MREG: variants seen among roughly 807,000 people sequenced by gnomAD.
MREG encodes melanoregulin.
In MREG, 31 loss-of-function variants were observed where a neutral mutation model predicts 28.5. The observed-to-expected ratio is 1.09, with a 90% CI of 0.82 to 1.47. The LOEUF is 1.47. MREG is among the 40% of genes most tolerant of loss of function. The pLI is 0.00. For synonymous variants in MREG, 106 were observed against 95.2 expected, an observed-to-expected ratio of 1.11 and a Z score of -0.66; for missense variants, 256 against 257.4, an observed-to-expected ratio of 0.99 and a Z score of 0.04.
Position 215,944,928 on chromosome 2 carries a change from G to A in MREG, c.580C>T (p.Pro194Ser). 6.2e-7 allele frequency: 1 copy of A among 1,608,614 alleles called. No individual in the cohort carries two copies. Among genetic ancestry groups the A allele is most frequent in the Non-Finnish European group, 8.5e-7 (1 of 1,175,600 alleles). ...KLARRTYPKK[P>S]GVPCLADGQK... ...CCATCTGCCAGGCATGGAACCCCAGGCTTCTTGGGGTAAGTTCGACGAGCA... is the reference window on the plus strand; with the variant it reads ...CCATCTGCCAGGCATGGAACCCCAGACTTCTTGGGGTAAGTTCGACGAGCA... Residue 194 changes from proline (P) to serine (S), a missense_variant, in exon 5 of 5, where the codon CCT becomes TCT. Coordinates refer to ENST00000263268, the MANE Select transcript of MREG (RefSeq NM_018000.3).
At position 215,945,597 on chromosome 2, in the gene MREG, G is replaced by A. The variant is rs1321205294; in HGVS notation, c.484C>T (p.Leu162Phe). 1.2e-6 allele frequency: 2 copies of A among 1,613,746 alleles called. No individual in the cohort carries two copies. Among genetic ancestry groups the A allele is most frequent in the Non-Finnish European group, 8.5e-7 (1 of 1,179,832 alleles). The change falls in exon 4 of 5, where the codon CTC (leucine) becomes TTC (phenylalanine). Residue 162 changes from leucine (L) to phenylalanine (F), a missense_variant. Coordinates refer to ENST00000263268, the MANE Select transcript of MREG (RefSeq NM_018000.3). ...ACAACAAAGAGATATCTCTCTGAGA[G>A]CTCCCAACTTGTTGGGAAAATATTG... ...ETNIFPTSWE[L>F]SERYLFVVDR...
intron 2 of MREG, among the ~76,000 whole-genome samples, chr2:215,961,122 T>C (rs548191005): frequency 2.0e-5 from 3 of 152,210 alleles, no homozygotes; most frequent in African/African-American, 7.2e-5. Flanking sequence ...GGAGTAGCGG[T>C]TGGCAGGGGG....
chr2:216,017,925 C>T (rs1012695863), upstream of MREG, among the ~76,000 whole-genome samples: 6 of 150,014 alleles, frequency 4.0e-5, no homozygotes, highest in South Asian at 2.1e-4. Context: ...CCAAGGTGGG[C>T]GAATAACCTG....
chr2:216,024,218 C>T (rs1694562096), intron 1 of MREG, among the ~76,000 whole-genome samples: 1 of 152,086 alleles, frequency 6.6e-6, no homozygotes, highest in South Asian at 2.1e-4. Context: ...CTATCACTCA[C>T]ATCTTTCCTA....
intron 1 of MREG, among the ~76,000 whole-genome samples, chr2:216,005,444 C>CTTTTTTTT (rs58288878): frequency 2.9e-4 from 25 of 86,298 alleles, no homozygotes; most frequent in South Asian, 5.0e-4. Context: ...TCTAGTTATT[C>CTTTTTTTT]TTTTTTTTTT....
chr2:215,964,607 A>G (rs149009309), intron 2 of MREG, among the ~76,000 whole-genome samples: 91 of 152,350 alleles, frequency 6.0e-4, no homozygotes, highest in African/African-American at 2.1e-3. Context: ...GAAATTCTCA[A>G]ACAATGAACA....
chr2:215,973,018 TGTTGGG>T (rs2105991874), intron 2 of MREG, among the ~76,000 whole-genome samples: 1 of 151,920 alleles, frequency 6.6e-6, no homozygotes, highest in East Asian at 1.9e-4. Context: ...AAAATATGAG[TGTTGGG>T]GTCCTTTGGG....
intron 2 of MREG, among the ~76,000 whole-genome samples, chr2:215,949,071 ACTACTAC>A (rs1559173474): frequency 0.011 from 1,534 of 139,406 alleles, 12 homozygotes; most frequent in Middle Eastern, 0.022. Flanking sequence ...TACTACTACT[ACTACTAC>A]TACTACTACT....
At chr2:215,947,902 TTGAGA>T (rs914872592) in intron 2 of MREG, among the ~76,000 whole-genome samples, 4 of 152,206 alleles carry the variant, frequency 2.6e-5, no homozygotes, top group African/African-American at 7.2e-5. Flanking sequence ...GGGGTCTTTA[TTGAGA>T]TAAGTGTGCC....
chr2:215,951,624 C>T (rs1432338756), intron 2 of MREG, among the ~76,000 whole-genome samples: 2 of 152,090 alleles, frequency 1.3e-5, no homozygotes, highest in Non-Finnish European at 2.9e-5. Flanking sequence ...TCATAAGATA[C>T]CTGAGAACAA....
downstream of MREG, chr2:215,941,567 A>G (rs547269179): frequency 1.3e-5 from 2 of 152,326 alleles, no homozygotes; most frequent in East Asian, 3.9e-4. Flanking sequence ...CATCATTGCC[A>G]TACACACTTG....
chr2:215,964,333 A>G (rs1329414670), intron 2 of MREG, among the ~76,000 whole-genome samples: 1 of 151,996 alleles, frequency 6.6e-6, no homozygotes, highest in Non-Finnish European at 1.5e-5. Flanking sequence ...AAAATACAAA[A>G]ATTAGCTTGG....
chr2:215,961,562 A>G (rs1274995318), intron 2 of MREG, among the ~76,000 whole-genome samples: 1 of 152,064 alleles, frequency 6.6e-6, no homozygotes, highest in East Asian at 1.9e-4. Context: ...AGTAGCTGAG[A>G]TTACAGGTGC....
chr2:215,985,916 C>T, intron 2 of MREG, among the ~76,000 whole-genome samples: 1 of 151,358 alleles, frequency 6.6e-6, no homozygotes, highest in East Asian at 1.9e-4. Context: ...AACCAGAATA[C>T]TTTTTTTTTA....
intron 2 of MREG, among the ~76,000 whole-genome samples, chr2:215,978,493 A>G (rs1303566060): frequency 6.6e-6 from 1 of 152,222 alleles, no homozygotes; most frequent in Non-Finnish European, 1.5e-5. Flanking sequence ...AAACTATACC[A>G]ATCAACAGAA....
intron 2 of MREG, among the ~76,000 whole-genome samples, chr2:215,983,575 C>A (rs1693486159): frequency 6.6e-6 from 1 of 152,304 alleles, no homozygotes; most frequent in African/African-American, 2.4e-5. Context: ...GTACTGGGGG[C>A]AAATAAATTA....
At chr2:215,968,360 A>G (rs150065353) in intron 2 of MREG, among the ~76,000 whole-genome samples, 1 of 152,290 alleles carries the variant, frequency 6.6e-6, no homozygotes, top group Admixed American at 6.5e-5. Flanking sequence ...CTTCGGCAGG[A>G]TAGTGATTTT....
intron 4 of MREG, among the ~76,000 whole-genome samples, chr2:215,945,277 C>T (rs942528771): frequency 1.3e-5 from 2 of 152,134 alleles, no homozygotes; most frequent in African/African-American, 4.8e-5. Flanking sequence ...TCTCTTTGAC[C>T]TACAAATGGT....
At chr2:215,954,081 T>C (rs1328967162) in intron 2 of MREG, among the ~76,000 whole-genome samples, 1 of 152,190 alleles carries the variant, frequency 6.6e-6, no homozygotes, top group Non-Finnish European at 1.5e-5. Context: ...GTGCCTCCCC[T>C]GAATTCTGTC....
Sources: gnomAD v4.1 joint callset for allele counts (sites outside exome capture counted in the v4.1 genomes callset) on GRCh38, gnomAD v4.1.1 for gene constraint, MANE v1.5 for transcripts, NCBI Gene and HGNC (gene_info 2026-07-23, HGNC 2026-07-21) for gene names.